Variants in MED13 observed in about 807,000 individuals in gnomAD.
MED13 encodes mediator complex subunit 13, also known as mediator of RNA polymerase II transcription subunit 13.
A neutral mutation model predicts 225.2 loss-of-function variants in MED13; 23 were observed. The observed-to-expected ratio is 0.10, with a 90% confidence interval of 0.07 to 0.14. MED13 has a LOEUF of 0.14. Among genes scored for constraint, MED13 ranks in the 10% least tolerant of loss-of-function variants. The probability of loss-of-function intolerance (pLI) is 1.00; values close to 1 mark genes in which losing one functional copy is unlikely to be tolerated. For synonymous variants in MED13, 942 were observed against 889.2 expected (o/e 1.06, Z -1.06); for missense variants, 2,197 against 2,594.5 (o/e 0.85, Z 3.33).
rs1385950239 is a variant in MED13, at chr17:61,950,867, T to C, written c.6249A>G (p.Ser2083=). Residue 2083 remains serine, a synonymous_variant, in exon 28 of 30, where the codon TCA becomes TCG. Transcript: ENST00000397786. ...KAGPLPDWFW[S]ACPQAQYQCP... ...ACTGATATTGTGCTTGAGGACATGC[T>C]GACCAGAACCAGTCAGGTAATGGAC... 1.9e-6 allele frequency: 3 copies of C among 1,613,748 alleles called. No individual in the cohort carries two copies. The highest frequency in any genetic ancestry group is 2.5e-6 in the Non-Finnish European group (3 of 1,179,872).
At position 62,050,944 on chromosome 17, in the gene MED13, G is replaced by T. The variant is rs369711583; in HGVS notation, c.470+1593C>A. 1.4e-4 allele frequency among the ~76,000 whole-genome samples: 22 copies of T among 152,342 alleles called. No individual in the cohort carries two copies. In the South Asian group the frequency reaches 2.3e-3, roughly 16 times the overall value. ...CACTTGAACCTGGGAAGCAGAGGTT[G>T]CAGTGAGCTGAGATTGCACCACTGC... On this transcript the variant is annotated intron_variant, in intron 3 of 29. Transcript: ENST00000397786.
At chr17:61,950,442 G>C (rs1262266560) in intron 28 of MED13, among the ~76,000 whole-genome samples, 1 of 151,260 alleles carries the variant, frequency 6.6e-6, no homozygotes, top group Non-Finnish European at 1.5e-5. Flanking sequence ...GGAGTGAAGT[G>C]GTACGATCTC....
chr17:61,955,262 A>G, intron 26 of MED13, 120 bp downstream of exon 26: 1 of 808,762 alleles, frequency 1.2e-6, no homozygotes, highest in Non-Finnish European at 1.8e-6. Context: ...TCCTTAACTT[A>G]TCACATCTGC....
In MED13 at chr17:61,944,369, CA is replaced by C. The variant is rs1243796600; in HGVS notation, c.*2098del. ...AGCACATTTTCCTTCAAATCTCAGA[CA>C]AGTTTTTTTTTTTTTTTTAAAGAAA... On this transcript the variant is annotated 3_prime_UTR_variant, in exon 30 of 30. Transcript: ENST00000397786. 1 of 147,134 alleles carries C rather than the reference CA, an allele frequency of 6.8e-6. No individual in the cohort carries two copies. The highest frequency in any genetic ancestry group is 1.5e-5 in the Non-Finnish European group (1 of 66,686). 9.1% of individuals were successfully genotyped at this position (147,134 alleles called of 1,614,324 possible).
chr17:62,010,653 T>C lies in MED13; in HGVS notation c.1864A>G (p.Lys622Glu). The C allele has an allele frequency of 1.3e-6, 2 of 1,501,218 alleles. No homozygotes were observed. The highest frequency in any genetic ancestry group is 2.3e-5 in the East Asian group (1 of 43,556). 93.0% of individuals were successfully genotyped at this position (1,501,218 alleles called of 1,614,324 possible). ...GGTAAAAACTCTACATCTTTTTTCT[T>C]TGGGAACTTGTAATACTTCCAGGCT... ...NIAWKYYKFP[K>E]KKDVEFLPPQ... Residue 622 changes from lysine to glutamate, a missense_variant, in exon 9 of 30, where the codon AAG (lysine) becomes GAG (glutamate). Coordinates refer to ENST00000397786, the MANE Select transcript of MED13 (RefSeq NM_005121.3).
rs538161777 is a variant in MED13, at chr17:62,056,269, G to A, written c.302-3564C>T. Among the ~76,000 whole-genome samples the A allele has an allele frequency of 4.6e-5, 7 of 152,182 alleles. No homozygotes were observed. The South Asian group carries it at 1.2e-3, about 27-fold the overall frequency. ...CTTTCTACACGTTGTATTCAGATACGAAAAGTGAAATGGTACAACCAACCC... is the reference window on the plus strand; with the variant it reads ...CTTTCTACACGTTGTATTCAGATACAAAAAGTGAAATGGTACAACCAACCC... On this transcript the variant is annotated intron_variant, in intron 2 of 29. Transcript: ENST00000397786.
At chr17:62,064,075 G>C (rs956701601) in intron 1 of MED13, among the ~76,000 whole-genome samples, 10 of 152,172 alleles carry the variant, frequency 6.6e-5, no homozygotes, top group African/African-American at 2.4e-5. Context: ...CAAAGCATAA[G>C]GTGCCAAAAA....
intron 8 of MED13, among the ~76,000 whole-genome samples, chr17:62,015,053 A>G (rs568739509): frequency 1.3e-5 from 2 of 152,342 alleles, no homozygotes; most frequent in African/African-American, 2.4e-5. Flanking sequence ...TTACCAACCG[A>G]GTCAATGTCA....
intron 8 of MED13, among the ~76,000 whole-genome samples, chr17:62,015,565 G>C: frequency 6.6e-6 from 1 of 151,564 alleles, no homozygotes; most frequent in Non-Finnish European, 1.5e-5. Context: ...TGTACTGTTT[G>C]AACTTTTAAT....
At chr17:62,045,009 G>T (rs1341030097) in intron 3 of MED13, among the ~76,000 whole-genome samples, 3 of 151,274 alleles carry the variant, frequency 2.0e-5, no homozygotes, top group Non-Finnish European at 4.4e-5. Flanking sequence ...TTTACATACA[G>T]TAAATATATC....
rs2081054418 is a variant in MED13 at position 62,063,101 on chromosome 17, G to A, written c.267C>T (p.Pro89=). Residue 89 remains proline, a synonymous_variant, in exon 2 of 30, where the codon CCC becomes CCT. Coordinates refer to ENST00000397786, the MANE Select transcript of MED13 (RefSeq NM_005121.3). The part of the protein sequence containing the change: ...ELWIFWWGED[P]SFADLIHHDL... ...CATGGTGAATAAGGTCAGCAAAACT[G>A]GGGTCTTCACCCCACCAAAATATCC... The A allele has an allele frequency of 3.7e-6, 6 of 1,614,064 alleles. No individual in the cohort carries two copies. The highest frequency in any genetic ancestry group is 5.1e-6 in the Non-Finnish European group (6 of 1,179,986).
chr17:61,961,038 T>C lies in MED13; in HGVS notation c.5309A>G (p.Lys1770Arg), dbSNP rs773229443. Residue 1770 changes from lysine to arginine, a missense_variant, in exon 23 of 30, where the codon AAG becomes AGG. Transcript: ENST00000397786. ...TTCTCCTAGCTCTGTCTGTTTGTCC[T>C]TCACTGGAGCCAGAATAAAAGGAGG... ...YAPPFILAPV[K>R]DKQTELGETF... 1.2e-6 allele frequency: 2 copies of C among 1,613,990 alleles called. No homozygotes were observed. The highest frequency in any genetic ancestry group is 2.7e-5 in the African/African-American group (2 of 75,038).
intron 9 of MED13, among the ~76,000 whole-genome samples, chr17:62,003,109 G>A (rs148519309): frequency 6.6e-6 from 1 of 152,148 alleles, no homozygotes; most frequent in East Asian, 1.9e-4. Flanking sequence ...ATACTACACA[G>A]AACAATAATT....
At chr17:62,028,768 C>A (rs1476415622) in intron 8 of MED13, among the ~76,000 whole-genome samples, 1 of 151,790 alleles carries the variant, frequency 6.6e-6, no homozygotes, top group Admixed American at 6.6e-5. Context: ...TGGCGTGAAC[C>A]CGGGAGGTGG....
chr17:61,975,152 A>G (rs1352229585), intron 16 of MED13, among the ~76,000 whole-genome samples: 1 of 152,050 alleles, frequency 6.6e-6, no homozygotes, highest in African/African-American at 2.4e-5. Flanking sequence ...AAAAAAAAAA[A>G]ATGAAAAGAC....
intron 28 of MED13, among the ~76,000 whole-genome samples, chr17:61,947,961 T>C (rs1354669793): frequency 1.3e-5 from 2 of 152,164 alleles, no homozygotes; most frequent in African/African-American, 4.8e-5. Flanking sequence ...GCAATACATA[T>C]AGAAACTCAT....
chr17:61,990,650 T>TATATATATACACAC (rs1491124278), intron 11 of MED13, among the ~76,000 whole-genome samples: 14 of 141,172 alleles, frequency 9.9e-5, no homozygotes, highest in African/African-American at 3.5e-4. Flanking sequence ...TATATATATA[T>TATATATATACACAC]ACACACTCCC....
rs1342107743 is a variant in MED13, at chr17:62,033,845, T to C, written c.756A>G (p.Glu252=). 8 of 1,614,134 alleles carry C rather than the reference T, an allele frequency of 5.0e-6. No homozygotes were observed. The highest frequency in any genetic ancestry group is 6.8e-6 in the Non-Finnish European group (8 of 1,180,010). The change falls in exon 5 of 30, where the codon GAA becomes GAG. Residue 252 remains glutamate (E), a synonymous_variant. Transcript: ENST00000397786. ...CTTCCCAATCCATATCTTCCTGTTT[T>C]TCTTCAGACATCTCCTTCAAGCAAC... The part of the protein sequence containing the change: ...ISCCLKEMSE[E]KQEDMDWEDD...
intron 5 of MED13, 95 bp from the exon 6 acceptor site, chr17:62,031,733 C>T (rs1337144937): frequency 3.3e-6 from 2 of 603,306 alleles, no homozygotes; most frequent in Non-Finnish European, 5.0e-6. Flanking sequence ...GTAGGTATCA[C>T]ATTTATACAA....
Sources: allele counts gnomAD v4.1 joint callset (sites outside exome capture counted in the v4.1 genomes callset), GRCh38; gene constraint gnomAD v4.1.1; transcripts MANE v1.5; gene names NCBI Gene and HGNC (gene_info 2026-07-23, HGNC 2026-07-21).